Variants in MAPK10 observed in about 807,000 individuals in gnomAD.
The protein encoded by MAPK10 is mitogen-activated protein kinase 10.
MAPK10 carries 25 observed loss-of-function variants against 59.3 expected under a neutral mutation model. The ratio of observed to expected loss-of-function variants is 0.42; its 90% confidence interval spans 0.31 to 0.59. The LOEUF is 0.59. Among genes scored for constraint, MAPK10 ranks in the 20% least tolerant of loss-of-function variants. The probability of loss-of-function intolerance (pLI) is 0.15; values close to 1 mark genes in which losing one functional copy is unlikely to be tolerated. For synonymous variants in MAPK10, 190 were observed against 200.5 expected, an observed-to-expected ratio of 0.95 and a Z score of 0.44; for missense variants, 351 against 568.9, an observed-to-expected ratio of 0.62 and a Z score of 3.90.
intron 2 of MAPK10, among the ~76,000 whole-genome samples, chr4:86,282,525 G>T (rs1423106304): frequency 6.6e-6 from 1 of 152,078 alleles, no homozygotes; most frequent in African/African-American, 2.4e-5. Context: ...AAATTATACT[G>T]CAACTATAAA....
At chr4:86,543,341 A>G (rs1758878758) in intron 1 of MAPK10, among the ~76,000 whole-genome samples, 1 of 152,212 alleles carries the variant, frequency 6.6e-6, no homozygotes. Flanking sequence ...CATGTCTTGC[A>G]GCTTCCTCTG....
intron 2 of MAPK10, among the ~76,000 whole-genome samples, chr4:86,348,165 A>G (rs980932283): frequency 2.6e-5 from 4 of 152,178 alleles, no homozygotes; most frequent in Non-Finnish European, 4.4e-5. Flanking sequence ...AATTCAAACC[A>G]TATCAATATT....
chr4:86,190,703 G>T (rs1484359843), intron 3 of MAPK10, among the ~76,000 whole-genome samples: 1 of 151,944 alleles, frequency 6.6e-6, no homozygotes. Context: ...ACCAGCTCCT[G>T]GATTCTGTGA....
chr4:86,239,130 T>A (rs1004553494), intron 2 of MAPK10, among the ~76,000 whole-genome samples: 14 of 152,344 alleles, frequency 9.2e-5, no homozygotes, highest in South Asian at 2.1e-4. Context: ...TTTGGTTCTG[T>A]TTATGTGATA....
At chr4:86,090,266 C>CATT (rs1413296961) in intron 9 of MAPK10, 1 of 152,054 alleles carries the variant, frequency 6.6e-6, no homozygotes, top group Non-Finnish European at 1.5e-5. Flanking sequence ...TAGGGAAAGG[C>CATT]ATTAAGATAG....
At chr4:86,136,747 AT>A (rs2062236382) in intron 4 of MAPK10, among the ~76,000 whole-genome samples, 1 of 151,646 alleles carries the variant, frequency 6.6e-6, no homozygotes, top group South Asian at 2.1e-4. Context: ...GGCAAATTGG[AT>A]AAAGAGTCAA....
At chr4:86,025,396 C>T (rs766247146) in intron 13 of MAPK10, 38 of 396,226 alleles carry the variant, frequency 9.6e-5, no homozygotes, top group Non-Finnish European at 1.5e-4. Context: ...AGGCAATAAA[C>T]AGGAGTTCTA....
intron 1 of MAPK10, among the ~76,000 whole-genome samples, chr4:86,421,136 C>CGT (rs1284173902): frequency 6.6e-6 from 1 of 151,792 alleles, no homozygotes; most frequent in Non-Finnish European, 1.5e-5. Flanking sequence ...ATGACATAAT[C>CGT]GTGTGTGTGT....
intron 2 of MAPK10, among the ~76,000 whole-genome samples, chr4:86,210,495 CTA>C (rs1337088885): frequency 6.6e-6 from 1 of 151,664 alleles, no homozygotes. Context: ...TTAAAGGAAA[CTA>C]AAAGTATTTA....
Position 86,103,197 on chromosome 4 carries a change from C to A in MAPK10, c.414G>T (p.Glu138Asp). 1.2e-6 allele frequency: 2 copies of A among 1,610,428 alleles called. No homozygotes were observed. The highest frequency in any genetic ancestry group is 2.2e-5 in the South Asian group (2 of 91,016). The change falls in exon 6 of 14, where the codon GAG (glutamate) becomes GAT (aspartate). Residue 138 changes from glutamate to aspartate, a missense_variant. Glu to Asp is a conservative substitution (Grantham distance 45). Coordinates refer to ENST00000641462, the MANE Select transcript of MAPK10 (RefSeq NM_138982.4). ...GTTTTGTTACTTACACATCTTGGAA[C>A]TCCTCCAGCGTTTTCTGGGGTGTGA... The part of the protein sequence containing the change: ...NVFTPQKTLE[E>D]FQDVYLVMEL...
intron 3 of MAPK10, among the ~76,000 whole-genome samples, chr4:86,182,783 A>G (rs1242769848): frequency 1.3e-5 from 2 of 152,162 alleles, no homozygotes; most frequent in African/African-American, 4.8e-5. Context: ...CCAGTCACAA[A>G]TGGAAATATT....
At chr4:86,545,534 T>C (rs1283074646) in intron 1 of MAPK10, among the ~76,000 whole-genome samples, 1 of 152,128 alleles carries the variant, frequency 6.6e-6, no homozygotes, top group Non-Finnish European at 1.5e-5. Context: ...AATGGCACAA[T>C]GCAGGAAATG....
At chr4:86,147,401 C>T (rs576870460) in intron 4 of MAPK10, among the ~76,000 whole-genome samples, 2 of 152,242 alleles carry the variant, frequency 1.3e-5, no homozygotes, top group African/African-American at 2.4e-5. Flanking sequence ...TAGACAACCA[C>T]CATCATTTGC....
rs70948789 is a variant in MAPK10 at position 86,365,431 on chromosome 4, C to CAAAAAAAAAAAAAAAAAAAAAAA, written c.-121-10810_-121-10788dup. 3.4e-4 allele frequency among the ~76,000 whole-genome samples: 11 copies of CAAAAAAAAAAAAAAAAAAAAAAA among 32,448 alleles called. 4 individuals carry two copies. The highest frequency in any genetic ancestry group is 4.7e-4 in the Non-Finnish European group (9 of 19,194). The allele number at this position is 32,448 out of a possible 152,430, so 21.3% of individuals were successfully genotyped here. On this transcript the variant is annotated intron_variant, in intron 1 of 13. Coordinates refer to the MAPK10 transcript ENST00000361569. ...TGGGCAACAGGGTGAGACTCTGTCT[C>CAAAAAAAAAAAAAAAAAAAAAAA]AAAAAAAAAAAAAAAAAAAAAAAAA...
chr4:86,041,909 G>T (rs2041610269), intron 11 of MAPK10, among the ~76,000 whole-genome samples: 1 of 152,210 alleles, frequency 6.6e-6, no homozygotes, highest in South Asian at 2.1e-4. Context: ...ACAATGTAGT[G>T]ATTCCTCAAA....
intron 11 of MAPK10, among the ~76,000 whole-genome samples, chr4:86,044,146 C>T (rs2042088705): frequency 6.6e-6 from 1 of 152,172 alleles, no homozygotes; most frequent in African/African-American, 2.4e-5. Context: ...CAAATTTCCA[C>T]GTCCACTCAG....
intron 2 of MAPK10, among the ~76,000 whole-genome samples, chr4:86,237,197 C>T (rs984518675): frequency 4.6e-5 from 7 of 152,112 alleles, no homozygotes; most frequent in African/African-American, 1.7e-4. Flanking sequence ...ATCTCATTCC[C>T]TTTTATGGCT....
intron 6 of MAPK10, chr4:86,102,845 A>C (rs986887255): frequency 6.1e-6 from 1 of 163,522 alleles, no homozygotes; most frequent in Non-Finnish European, 1.3e-5. Context: ...AGGTAAATTA[A>C]CTCATTGTAG....
At chr4:86,358,142 T>C in intron 1 of MAPK10, 1 of 985,186 alleles carries the variant, frequency 1.0e-6, no homozygotes, top group Non-Finnish European at 1.2e-6. Context: ...GGTTCTGAAG[T>C]GGAGTCAGAA....
Sources: gnomAD v4.1 joint callset for allele counts (sites outside exome capture counted in the v4.1 genomes callset) on GRCh38, gnomAD v4.1.1 for gene constraint, MANE v1.5 for transcripts, NCBI Gene and HGNC (gene_info 2026-07-23, HGNC 2026-07-21) for gene names.